JUP: variants seen among roughly 807,000 people sequenced by gnomAD.
JUP encodes the protein catenin (cadherin-associated protein), gamma 80kDa.
In JUP, 28 loss-of-function variants were observed where a neutral mutation model predicts 71.1. The ratio of observed to expected loss-of-function variants is 0.39; its 90% CI spans 0.29 to 0.54. JUP has a LOEUF of 0.54. Ranked by LOEUF, JUP falls within the 20% of genes least tolerant of loss-of-function variation. JUP has a pLI of 0.62. For missense variants in JUP, 869 were observed against 1,030.1 expected (o/e 0.84, Z 2.14); for synonymous variants, 401 against 438.9 (o/e 0.91, Z 1.08).
intron 8 of JUP, among the ~76,000 whole-genome samples, chr17:41,759,559 C>G (rs892525047): frequency 6.6e-6 from 1 of 151,396 alleles, no homozygotes; most frequent in Admixed American, 6.6e-5. Context: ...GCTCTAGGTG[C>G]CCCCGAAGCC....
intron 6 of JUP, 48 bp from the exon 7 acceptor site, chr17:41,764,864 T>C (rs1348436799): frequency 6.2e-7 from 1 of 1,613,456 alleles, no homozygotes; most frequent in Non-Finnish European, 8.5e-7. Context: ...CATGGCTGAC[T>C]GAGCCTGGCA....
rs1415443401 is a variant in JUP, at chr17:41,780,141, A to G, written c.-9+6447T>C. Among the ~76,000 whole-genome samples the G allele has an allele frequency of 2.6e-5, 4 of 152,062 alleles. No individual in the cohort carries two copies. The East Asian group carries it at 7.7e-4, about 29-fold the overall frequency. ...GCTGGGCATGGTGGCTCATGCCCAT[A>G]ATCCCAGCACTTTGGGAGGCTGAGA... On this transcript the variant is annotated intron_variant, in intron 1 of 13. Transcript: ENST00000393931.
intron 1 of JUP, among the ~76,000 whole-genome samples, chr17:41,772,430 G>A (rs1916819979): frequency 6.6e-6 from 1 of 152,092 alleles, no homozygotes; most frequent in African/African-American, 2.4e-5. Context: ...CCTACAGGTT[G>A]GGCAGGATCA....
At chr17:41,771,061 A>T (rs1244619080) in intron 2 of JUP, among the ~76,000 whole-genome samples, 1 of 151,952 alleles carries the variant, frequency 6.6e-6, no homozygotes, top group African/African-American at 2.4e-5. Context: ...ACGGAGTCTC[A>T]CTCTGTCGCC....
Position 41,755,600 on chromosome 17 carries a change from G to T in JUP, c.*144C>A. ...AGAAGAAGGCAGGCCAGGGCACACC[G>T]TGCTTGGGGAAGCTCAGCAGCAAAG... On this transcript the variant is annotated 3_prime_UTR_variant, in exon 14 of 14. Coordinates refer to ENST00000393931, the MANE Select transcript of JUP (RefSeq NM_002230.4). 1.3e-6 allele frequency: 1 copy of T among 789,086 alleles called. No individual in the cohort carries two copies. Among genetic ancestry groups the T allele is most frequent in the Non-Finnish European group, 1.9e-6 (1 of 523,624 alleles). The allele number at this position is 789,086 out of a possible 1,614,324, so 48.9% of individuals were successfully genotyped here.
At chr17:41,771,954 CATCAT>C (rs1916727208) in intron 1 of JUP, 92 bp from the exon 2 acceptor site, 5 of 1,030,976 alleles carry the variant, frequency 4.8e-6, no homozygotes, top group Non-Finnish European at 2.9e-6. Context: ...TGTCTTCCCA[CATCAT>C]CACCATGGCC....
chr17:41,782,965 T>C (rs1597869896), intron 1 of JUP, among the ~76,000 whole-genome samples: 2 of 151,624 alleles, frequency 1.3e-5, no homozygotes, highest in East Asian at 3.9e-4. Context: ...AGTGTGGTGG[T>C]GCATGCCTGT....
chr17:41,771,366 G>C (rs1338697415), intron 2 of JUP: 2 of 529,124 alleles, frequency 3.8e-6, no homozygotes, highest in African/African-American at 1.9e-5. Context: ...AGAAGGCAAG[G>C]ACTATGGCTT....
rs1555603199 is a variant in JUP at position 41,764,767 on chromosome 17, C to G, written c.1104G>C (p.Leu368=). The part of the protein sequence containing the change: ...GKHLTSNSPR[L]VQNCLWTLRN... ...GCAGGGTCCACAGGCAGTTCTGCACCAGGCGGGGGCTGTTGCTGGTCAGGT... is the reference window on the plus strand; with the variant it reads ...GCAGGGTCCACAGGCAGTTCTGCACGAGGCGGGGGCTGTTGCTGGTCAGGT... Residue 368 remains leucine, a synonymous_variant, in exon 7 of 14, where the codon CTG becomes CTC. Coordinates refer to ENST00000393931, the MANE Select transcript of JUP (RefSeq NM_002230.4). The G allele has an allele frequency of 6.2e-7, 1 of 1,613,616 alleles. No homozygotes were observed. Among genetic ancestry groups the G allele is most frequent in the Non-Finnish European group, 8.5e-7 (1 of 1,179,980 alleles).
At chr17:41,762,170 AGAGAGAGTGT>A (rs1428229759) in intron 8 of JUP, among the ~76,000 whole-genome samples, 380 of 45,114 alleles carry the variant, frequency 8.4e-3, no homozygotes, top group African/African-American at 0.016. Flanking sequence ...AGAGAGAGAG[AGAGAGAGTGT>A]GTGTGTGTGT....
rs782737074 is a variant in JUP at position 41,769,611 on chromosome 17, C to G, written c.275G>C (p.Gly92Ala). The G allele has an allele frequency of 2.5e-6, 4 of 1,605,746 alleles. No individual in the cohort carries two copies. In the East Asian group the frequency reaches 9.0e-5, roughly 36 times the overall value. ...AKRVREAMCPGVSGEDSSLLL... is the reference protein window; with the variant it reads ...AKRVREAMCPAVSGEDSSLLL... ...AAGCGAGCTGTCCTCGCCTGACACA[C>G]CAGGGCACATGGCCTCCCGCACCCG... The change falls in exon 3 of 14, where the codon GGT (glycine) becomes GCT (alanine). Residue 92 changes from glycine to alanine, a missense_variant. Transcript: ENST00000393931.
rs1555599799 is a variant in JUP at position 41,758,801 on chromosome 17, C to T, written c.1567G>A (p.Val523Ile). ...AGCAGTTGGACGAGGCGGGGGATGA[C>T]CGCTGCCTCCTGCAGCGGGGCATGG... ...ANHAPLQEAA[V>I]IPRLVQLLVK... The change falls in exon 9 of 14, where the codon GTC becomes ATC. Residue 523 changes from valine to isoleucine, a missense_variant. Transcript: ENST00000393931. The T allele has an allele frequency of 6.2e-7, 1 of 1,611,646 alleles. No homozygotes were observed. Among genetic ancestry groups the T allele is most frequent in the Non-Finnish European group, 8.5e-7 (1 of 1,178,830 alleles).
chr17:41,783,171 G>C (rs2047256256), intron 1 of JUP, among the ~76,000 whole-genome samples: 1 of 151,916 alleles, frequency 6.6e-6, no homozygotes, highest in Non-Finnish European at 1.5e-5. Context: ...TGGAATCAGA[G>C]GACCCAAACG....
At chr17:41,772,764 G>A in intron 1 of JUP, 2 of 974,066 alleles carry the variant, frequency 2.1e-6, no homozygotes, top group African/African-American at 1.8e-5. Context: ...CAGGCCTGTG[G>A]GTGGTCACTG....
chr17:41,771,865 G>C lies in JUP; in HGVS notation c.-8-3C>G, dbSNP rs1555607175. ...GTTCATCACCTCCATCGTGGCTACT[G>C]GGGGCACAAAGGAGGAAGTCAGGAA... On this transcript the variant is annotated splice_region_variant and splice_polypyrimidine_tract_variant and intron_variant, in intron 1 of 13. Coordinates refer to ENST00000393931, the MANE Select transcript of JUP (RefSeq NM_002230.4). 1.9e-5 allele frequency: 31 copies of C among 1,603,988 alleles called. No homozygotes were observed. Among genetic ancestry groups the C allele is most frequent in the Non-Finnish European group, 2.1e-5 (25 of 1,175,262 alleles).
intron 5 of JUP, 62 bp from the exon 6 acceptor site, chr17:41,765,129 C>A: frequency 6.6e-7 from 1 of 1,521,836 alleles, no homozygotes; most frequent in Non-Finnish European, 9.1e-7. Context: ...CAAGGAAGCG[C>A]GGGACAGGAG....
intron 12 of JUP, among the ~76,000 whole-genome samples, chr17:41,757,072 C>A (rs1913935973): frequency 6.6e-6 from 1 of 152,106 alleles, no homozygotes; most frequent in Non-Finnish European, 1.5e-5. Context: ...TCCTGCCGGA[C>A]TAGAGCAGCT....
At chr17:41,766,858 CAA>C (rs568338411) in intron 5 of JUP, among the ~76,000 whole-genome samples, 7 of 105,492 alleles carry the variant, frequency 6.6e-5, no homozygotes, top group African/African-American at 7.3e-5. Context: ...CCATCTCAAA[CAA>C]AAAAAAAAAA....
chr17:41,756,609 A>T (rs1020375075), intron 12 of JUP, among the ~76,000 whole-genome samples: 9 of 149,656 alleles, frequency 6.0e-5, no homozygotes, highest in Non-Finnish European at 1.2e-4. Flanking sequence ...CGAAAAAAAT[A>T]AAAAATAGGC....
Sources: allele counts gnomAD v4.1 joint callset (sites outside exome capture counted in the v4.1 genomes callset), GRCh38; gene constraint gnomAD v4.1.1; transcripts MANE v1.5; gene names NCBI Gene and HGNC (gene_info 2026-07-23, HGNC 2026-07-21).